Variants in B3GAT1 observed in about 807,000 individuals in gnomAD.
The protein encoded by B3GAT1 is beta-1,3-glucuronyltransferase 1.
B3GAT1 carries 11 observed loss-of-function variants against 28.4 expected under a neutral mutation model. That is an observed-to-expected ratio of 0.39 (90% confidence interval 0.24 to 0.64). The LOEUF (loss-of-function observed/expected upper bound fraction) is 0.64, where lower values mean the gene tolerates loss of function less well. Among genes scored for constraint, B3GAT1 ranks in the 30% least tolerant of loss-of-function variants. The pLI, the probability that B3GAT1 is intolerant of heterozygous loss-of-function variation, is 0.50. For synonymous variants in B3GAT1, 255 were observed against 223.1 expected (o/e 1.14, Z -1.27); for missense variants, 375 against 491.0 (o/e 0.76, Z 2.23).
chr11:134,397,987 G>GTGCCTGCTCCC (rs973044678), intron 1 of B3GAT1, among the ~76,000 whole-genome samples: 2 of 152,172 alleles, frequency 1.3e-5, no homozygotes, highest in African/African-American at 2.4e-5. Context: ...AGCGACTCAG[G>GTGCCTGCTCCC]TGCCTGCTCC....
chr11:134,411,745 G>A lies in B3GAT1; in HGVS notation c.-282+62C>T, dbSNP rs1283098862. On this transcript the variant is annotated intron_variant, in intron 1 of 5. Coordinates refer to ENST00000312527, the MANE Select transcript of B3GAT1 (RefSeq NM_054025.3). This position sits in a 1 kb window ranked among gnomAD's most constrained non-coding sequence, Gnocchi z 6.0. ...GGGAGGACATGGCGTGGGCACCGAT[G>A]GGGACGCAGAAAGGGGCTCTGTGCG... 6.5e-6 allele frequency: 1 copy of A among 152,810 alleles called. No homozygotes were observed. The highest frequency in any genetic ancestry group is 1.5e-5 in the Non-Finnish European group (1 of 68,780). The allele number at this position is 152,810 out of a possible 1,614,324, so 9.5% of individuals were successfully genotyped here.
At chr11:134,410,054 C>T (rs1335878917) in intron 1 of B3GAT1, among the ~76,000 whole-genome samples, 4 of 152,206 alleles carry the variant, frequency 2.6e-5, no homozygotes, top group South Asian at 4.1e-4. Context: ...CCCTTATCCC[C>T]GAGAAACCAC....
chr11:134,406,741 T>G (rs1472199535), intron 1 of B3GAT1, among the ~76,000 whole-genome samples: 1 of 152,214 alleles, frequency 6.6e-6, no homozygotes, highest in Non-Finnish European at 1.5e-5. Context: ...ACCCTCATTT[T>G]AAAAGTGAGA....
chr11:134,397,306 C>T (rs1944523924), intron 1 of B3GAT1, among the ~76,000 whole-genome samples: 1 of 152,198 alleles, frequency 6.6e-6, no homozygotes, highest in Non-Finnish European at 1.5e-5. Context: ...TCAGATCCTC[C>T]TGTGCACTCC....
intron 1 of B3GAT1, among the ~76,000 whole-genome samples, chr11:134,403,171 G>T (rs1202196859): frequency 6.6e-6 from 1 of 152,154 alleles, no homozygotes; most frequent in Non-Finnish European, 1.5e-5. Context: ...CAAGGCACAG[G>T]CTCAAGACAG....
intron 1 of B3GAT1, among the ~76,000 whole-genome samples, chr11:134,395,320 T>A (rs1458474941): frequency 6.6e-6 from 1 of 152,118 alleles, no homozygotes; most frequent in African/African-American, 2.4e-5. Context: ...GCAAACCTGA[T>A]AAAGGATTGT....
chr11:134,388,412 TTC>T (rs537011738), intron 1 of B3GAT1: 80 of 158,012 alleles, frequency 5.1e-4, no homozygotes, highest in African/African-American at 1.4e-3. Flanking sequence ...AGGTTTTATT[TTC>T]TCTCTCTCTT....
chr11:134,394,649 G>T (rs1239078266), intron 1 of B3GAT1, among the ~76,000 whole-genome samples: 1 of 152,228 alleles, frequency 6.6e-6, no homozygotes, highest in Non-Finnish European at 1.5e-5. Context: ...TGGGCCCTGG[G>T]ATGTCTGCAC....
chr11:134,382,917 C>G lies in B3GAT1; in HGVS notation c.711G>C (p.Lys237Asn). Residue 237 changes from lysine to asparagine, a missense_variant, in exon 4 of 6, where the codon AAG becomes AAC. By Grantham distance (94) the Lys-to-Asn change is moderately conservative. Coordinates refer to ENST00000312527, the MANE Select transcript of B3GAT1 (RefSeq NM_054025.3). ...CAAACACCGTCTTCCAGCCGACCACCTTCCCTGCCCCGTTCACCCGTGGGG... is the reference window on the plus strand; with the variant it reads ...CAAACACCGTCTTCCAGCCGACCACGTTCCCTGCCCCGTTCACCCGTGGGG... ...YEAPRVNGAG[K>N]VVGWKTVFDP... 1 of 1,612,828 alleles carries G rather than the reference C, an allele frequency of 6.2e-7. No individual in the cohort carries two copies. The highest frequency in any genetic ancestry group is 8.5e-7 in the Non-Finnish European group (1 of 1,179,460).
chr11:134,382,164 T>C, intron 4 of B3GAT1, 140 bp from the exon 5 acceptor site: 2 of 692,626 alleles, frequency 2.9e-6, no homozygotes, highest in Admixed American at 2.7e-5. Context: ...TCCATCAAGA[T>C]TTTCTCAATT....
rs1944102574 is a variant in B3GAT1 at position 134,380,631 on chromosome 11, A to C, written c.*131T>G. 1 of 152,734 alleles carries C rather than the reference A, an allele frequency of 6.5e-6. No individual in the cohort carries two copies. The highest frequency in any genetic ancestry group is 6.5e-5 in the Admixed American group (1 of 15,288). 9.5% of individuals were successfully genotyped at this position (152,734 alleles called of 1,614,324 possible). On this transcript the variant is annotated 3_prime_UTR_variant, in exon 6 of 6. Transcript: ENST00000312527. The stretch of plus-strand genomic sequence containing the variant: ...TTCTGGCATCAGGCTGGGCTCTCTC[A>C]GAAGCCCCCAGAATAGAAAGGAGGG...
intron 1 of B3GAT1, among the ~76,000 whole-genome samples, chr11:134,402,072 G>A (rs1048899172): frequency 6.6e-6 from 1 of 151,952 alleles, no homozygotes; most frequent in African/African-American, 2.4e-5. Flanking sequence ...ACGTGCCCCT[G>A]CACAGGTGGA....
At chr11:134,392,959 A>C (rs1300186227) in intron 1 of B3GAT1, among the ~76,000 whole-genome samples, 1 of 152,238 alleles carries the variant, frequency 6.6e-6, no homozygotes, top group African/African-American at 2.4e-5. Context: ...TAGCAGGCAA[A>C]GCACTGTGTT....
intron 1 of B3GAT1, chr11:134,390,325 G>C (rs1337574306): frequency 6.6e-6 from 1 of 152,338 alleles, no homozygotes. Context: ...CTTTGGCCAA[G>C]ACACGTTTGG....
At chr11:134,408,086 G>A (rs1429593406) in intron 1 of B3GAT1, among the ~76,000 whole-genome samples, 6 of 152,268 alleles carry the variant, frequency 3.9e-5, no homozygotes, top group African/African-American at 1.4e-4. Flanking sequence ...GCCAAGGCGG[G>A]CTCTGGGTTC....
Position 134,393,385 on chromosome 11 carries a change from C to T in B3GAT1, c.-281-5445G>A, listed in dbSNP as rs1041078133. 5.3e-5 allele frequency among the ~76,000 whole-genome samples: 8 copies of T among 152,204 alleles called. No individual in the cohort carries two copies. Among genetic ancestry groups the T allele is most frequent in the African/African-American group, 1.9e-4 (8 of 41,430 alleles). On this transcript the variant is annotated intron_variant, in intron 1 of 5. Transcript: ENST00000312527. The surrounding 1 kb of genome is among the most constrained non-coding windows in gnomAD (Gnocchi z 4.0). The stretch of plus-strand genomic sequence containing the variant: ...CTGGCTCTCAGCACTTCCGCTCAGC[C>T]GACACGGGGTCAGGGAGGTCTGTGC...
At position 134,404,027 on chromosome 11, in the gene B3GAT1, A is replaced by ATATATT. The variant is rs1555098477; in HGVS notation, c.-282+7779_-282+7780insAATATA. ...TATATATATATATATATATATATATATATTTATTATACGTTAAGTTCTAGG... is the reference window on the plus strand; with the variant it reads ...TATATATATATATATATATATATATATATATTTATTTATTATACGTTAAGTTCTAGG... On this transcript the variant is annotated intron_variant, in intron 1 of 5. Coordinates refer to ENST00000312527, the MANE Select transcript of B3GAT1 (RefSeq NM_054025.3). 2.8e-3 allele frequency among the ~76,000 whole-genome samples: 297 copies of ATATATT among 106,732 alleles called. 6 individuals are homozygous for ATATATT. The highest frequency in any genetic ancestry group is 4.2e-3 in the African/African-American group (109 of 25,918). The allele number at this position is 106,732 out of a possible 152,430, so 70.0% of individuals were successfully genotyped here.
In B3GAT1 at chr11:134,411,011, G is replaced by A. The variant is rs146744298; in HGVS notation, c.-282+796C>T. On this transcript the variant is annotated intron_variant, in intron 1 of 5. Coordinates refer to ENST00000312527, the MANE Select transcript of B3GAT1 (RefSeq NM_054025.3). The surrounding 1 kb of genome is among the most constrained non-coding windows in gnomAD (Gnocchi z 6.0). ...GCTAGGCCTGGCTGGGGGAGGAAGGGGACAGGGAAGTTGGCCAAGGCTCCC... is the reference window on the plus strand; with the variant it reads ...GCTAGGCCTGGCTGGGGGAGGAAGGAGACAGGGAAGTTGGCCAAGGCTCCC... 4.0e-4 allele frequency among the ~76,000 whole-genome samples: 61 copies of A among 152,314 alleles called. No individual in the cohort carries two copies. The East Asian group carries it at 9.5e-3, about 24-fold the overall frequency.
chr11:134,389,561 TCTC>T (rs1365912536), intron 1 of B3GAT1: 2 of 152,318 alleles, frequency 1.3e-5, no homozygotes, highest in East Asian at 1.9e-4. Context: ...CACATCCTCT[TCTC>T]CTCCCTTTTC....
Sources: allele counts gnomAD v4.1 joint callset (sites outside exome capture counted in the v4.1 genomes callset), GRCh38; gene constraint gnomAD v4.1.1; non-coding constraint Gnocchi (gnomAD v3.1); transcripts MANE v1.5; gene names NCBI Gene and HGNC (gene_info 2026-07-23, HGNC 2026-07-21).